Variants in COQ2 observed in about 807,000 individuals in gnomAD.
COQ2 encodes coenzyme Q2, polyprenyltransferase, also known as 4-hydroxybenzoate polyprenyltransferase, mitochondrial.
COQ2 carries 25 observed loss-of-function variants against 35.7 expected under a neutral mutation model. That is an observed-to-expected ratio of 0.70 (90% CI 0.51 to 0.98). COQ2 has a LOEUF of 0.98. Among genes scored for constraint, COQ2 ranks in the 50% least tolerant of loss-of-function variants. The pLI, the probability that COQ2 is intolerant of heterozygous loss-of-function variation, is 0.00. For missense variants in COQ2, 488 were observed against 473.5 expected, an observed-to-expected ratio of 1.03 and a Z score of -0.28; for synonymous variants, 206 against 186.2, an observed-to-expected ratio of 1.11 and a Z score of -0.86.
At chr4:83,283,519 G>A in intron 1 of COQ2, 10 of 985,374 alleles carry the variant, frequency 1.0e-5, no homozygotes, top group Non-Finnish European at 9.6e-6. Context: ...CTTGTCCTTT[G>A]GAGTATAATT....
chr4:83,284,948 G>GAA, upstream of COQ2: 2 of 1,402,640 alleles, frequency 1.4e-6, no homozygotes, highest in Non-Finnish European at 1.9e-6. Context: ...AATACTTAAT[G>GAA]AAAAAGGGAT....
chr4:83,267,611 G>T lies in COQ2; in HGVS notation c.926C>A (p.Ala309Asp). Reference sequence around the variant, plus strand: ...CTGGTGAGTCAGATGGGCTCCTACAGCACCCAGGGCAGCGTAGTAGGGAGC... The same window carrying T: ...CTGGTGAGTCAGATGGGCTCCTACATCACCCAGGGCAGCGTAGTAGGGAGC... ...QTAPYYAALGAVGAHLTHQIY... is the reference protein window; with the variant it reads ...QTAPYYAALGDVGAHLTHQIY... The change falls in exon 6 of 7, where the codon GCT becomes GAT. Residue 309 changes from alanine (A) to aspartate (D), a missense_variant. By Grantham distance (126) the Ala-to-Asp change is moderately radical. Coordinates refer to ENST00000647002, the MANE Select transcript of COQ2 (RefSeq NM_001358921.2). The T allele has an allele frequency of 6.3e-7, 1 of 1,583,674 alleles. No homozygotes were observed. The highest frequency in any genetic ancestry group is 8.6e-7 in the Non-Finnish European group (1 of 1,166,044).
intron 1 of COQ2, among the ~76,000 whole-genome samples, chr4:83,281,906 C>T (rs1337313038): frequency 3.9e-5 from 6 of 152,108 alleles, no homozygotes; most frequent in African/African-American, 1.4e-4. Flanking sequence ...CTCCCTAAAT[C>T]TCTCCATACA....
chr4:83,268,263 A>T (rs1277443007), intron 5 of COQ2, among the ~76,000 whole-genome samples: 1 of 152,118 alleles, frequency 6.6e-6, no homozygotes, highest in Non-Finnish European at 1.5e-5. Flanking sequence ...ACATCCACTC[A>T]TTTCCCACTT....
Position 83,284,745 on chromosome 4 carries a change from G to T in COQ2, c.20C>A (p.Ala7Glu). The T allele has an allele frequency of 1.3e-6, 2 of 1,530,474 alleles. No individual in the cohort carries two copies. Among genetic ancestry groups the T allele is most frequent in the Non-Finnish European group, 1.7e-6 (2 of 1,145,188 alleles). 94.8% of individuals were successfully genotyped at this position (1,530,474 alleles called of 1,614,324 possible). The change falls in exon 1 of 7, where the codon GCG (alanine) becomes GAG (glutamate). Residue 7 changes from alanine (A) to glutamate (E), a missense_variant. Physicochemically the swap from Ala to Glu is moderately radical, Grantham distance 107. Coordinates refer to ENST00000647002, the MANE Select transcript of COQ2 (RefSeq NM_001358921.2). ...AGCCCGCAGGCCCCGCGCGAACCCC[G>T]CGGCTCGCGAGCCCAGCATGGCGCT... MLGSRA[A>E]GFARGLRAVA...
At chr4:83,284,921 C>T (rs1396508352), upstream of COQ2, 1 of 1,500,784 alleles carries the variant, frequency 6.7e-7, no homozygotes, top group Non-Finnish European at 8.8e-7. Context: ...TCATCGTGGT[C>T]GCTTACTCTA....
At chr4:83,266,457 A>G (rs970735780) in intron 6 of COQ2, among the ~76,000 whole-genome samples, 8 of 151,618 alleles carry the variant, frequency 5.3e-5, no homozygotes, top group Admixed American at 2.0e-4. Context: ...TCCTGGGTTC[A>G]AGCGATTCTC....
At chr4:83,270,260 T>C (rs566123221) in intron 4 of COQ2, among the ~76,000 whole-genome samples, 3 of 152,170 alleles carry the variant, frequency 2.0e-5, no homozygotes, top group East Asian at 3.9e-4. Context: ...ATTAAGTAAA[T>C]AGGAGGTTTA....
intron 2 of COQ2, among the ~76,000 whole-genome samples, chr4:83,276,033 T>TAG (rs58171866): frequency 4.5e-5 from 1 of 22,278 alleles, no homozygotes; most frequent in Middle Eastern, 0.025. Context: ...TATTTTTATA[T>TAG]AATATATAAA....
Position 83,264,357 on chromosome 4 carries a change from T to C in COQ2, c.958A>G (p.Thr320Ala). The C allele has an allele frequency of 1.2e-6, 2 of 1,602,928 alleles. No individual in the cohort carries two copies. The highest frequency in any genetic ancestry group is 1.7e-6 in the Non-Finnish European group (2 of 1,176,510). The change falls in exon 7 of 7, where the codon ACT becomes GCT. Residue 320 changes from threonine (T) to alanine (A), a missense_variant. Physicochemically the swap from Thr to Ala is moderately conservative, Grantham distance 58. Transcript: ENST00000647002. ...VGAHLTHQIY[T>A]LDIHRPEDCW... ...TCCTCAGGTCTGTGGATGTCTAGAG[T>C]GTAAATCTGCAAGAGAGGAATACAA...
At chr4:83,270,518 A>G (rs1349244053) in intron 4 of COQ2, among the ~76,000 whole-genome samples, 1 of 152,206 alleles carries the variant, frequency 6.6e-6, no homozygotes, top group Non-Finnish European at 1.5e-5. Context: ...TGCAAGCCTG[A>G]TAACTCTCCT....
intron 3 of COQ2, among the ~76,000 whole-genome samples, chr4:83,273,286 A>T (rs140723455): frequency 3.7e-4 from 57 of 152,372 alleles, no homozygotes; most frequent in African/African-American, 1.3e-3. Context: ...GGTTCAAAAC[A>T]AATTAAATGT....
intron 2 of COQ2, 98 bp from the exon 3 acceptor site, chr4:83,273,715 G>A (rs1735102016): frequency 8.9e-7 from 1 of 1,123,932 alleles, no homozygotes; most frequent in Non-Finnish European, 1.3e-6. Flanking sequence ...GCACAAATAT[G>A]AATGAAGAGA....
chr4:83,269,762 A>G, intron 5 of COQ2, 98 bp downstream of exon 5: 1 of 1,120,678 alleles, frequency 8.9e-7, no homozygotes, highest in Non-Finnish European at 1.2e-6. Context: ...GTTCTTAAAA[A>G]ACAACAACAA....
At position 83,270,058 on chromosome 4, in the gene COQ2, A is replaced by G; in HGVS notation, c.629-65T>C. ...GTACTTTAGAATCCTAAAGGGAAGG[A>G]GTGGCATCGGAGTGTGTTCAGTGCT... On this transcript the variant is annotated intron_variant, in intron 4 of 6. Transcript: ENST00000647002. 2.6e-6 allele frequency: 4 copies of G among 1,565,868 alleles called. No homozygotes were observed. The East Asian group carries it at 9.2e-5, about 36-fold the overall frequency.
At chr4:83,266,358 T>A (rs1211724861) in intron 6 of COQ2, among the ~76,000 whole-genome samples, 1 of 112,808 alleles carries the variant, frequency 8.9e-6, no homozygotes, top group African/African-American at 5.7e-5. Flanking sequence ...TATCTTCTTT[T>A]TTTTTTGTTT....
At chr4:83,264,905 T>C (rs1385642999) in intron 6 of COQ2, among the ~76,000 whole-genome samples, 2 of 152,194 alleles carry the variant, frequency 1.3e-5, no homozygotes, top group African/African-American at 2.4e-5. Flanking sequence ...GCAGGACAAC[T>C]CTAATGCAGG....
At chr4:83,284,114 T>G (rs1464791018) in intron 1 of COQ2, 1 of 985,454 alleles carries the variant, frequency 1.0e-6, no homozygotes, top group Non-Finnish European at 1.2e-6. Flanking sequence ...TCAAACATTC[T>G]AATAAATGAA....
chr4:83,284,784 C>A lies in COQ2; in HGVS notation c.-20G>T. The A allele has an allele frequency of 6.4e-7, 1 of 1,565,042 alleles. No individual in the cohort carries two copies. The highest frequency in any genetic ancestry group is 8.6e-7 in the Non-Finnish European group (1 of 1,162,696). On this transcript the variant is annotated 5_prime_UTR_variant, in exon 1 of 7. Transcript: ENST00000647002. ...CAGCATGGCGCTGGTGAGGCCGGGA[C>A]GAGCTCGGATTGACGTCATTCCCCG...
Sources: gnomAD v4.1 joint callset for allele counts (sites outside exome capture counted in the v4.1 genomes callset) on GRCh38, gnomAD v4.1.1 for gene constraint, MANE v1.5 for transcripts, NCBI Gene and HGNC (gene_info 2026-07-23, HGNC 2026-07-21) for gene names.